KIF13A: variants seen among roughly 807,000 people sequenced by gnomAD.
The protein encoded by KIF13A is kinesin family member 13A.
KIF13A carries 79 observed loss-of-function variants against 212.2 expected under a neutral mutation model. That is an observed-to-expected ratio of 0.37 (90% confidence interval 0.31 to 0.45). The LOEUF is 0.45. Ranked by LOEUF, KIF13A falls within the 20% of genes least tolerant of loss-of-function variation. The pLI is 1.00. For missense variants in KIF13A, 1,901 were observed against 2,209.0 expected, an observed-to-expected ratio of 0.86 and a Z score of 2.79; for synonymous variants, 789 against 808.6, an observed-to-expected ratio of 0.98 and a Z score of 0.41.
intron 17 of KIF13A, among the ~76,000 whole-genome samples, chr6:17,812,785 A>C (rs1763545313): frequency 6.6e-6 from 1 of 152,036 alleles, no homozygotes; most frequent in Admixed American, 6.6e-5. Context: ...ATTAATTTAC[A>C]CTCTCACCAA....
At position 17,914,581 on chromosome 6, in the gene KIF13A, A is replaced by G. The variant is rs142805713; in HGVS notation, c.147-16401T>C. Among the ~76,000 whole-genome samples the G allele has an allele frequency of 6.6e-6, 1 of 152,294 alleles. No homozygotes were observed. Among genetic ancestry groups the G allele is most frequent in the South Asian group, 2.1e-4 (1 of 4,816 alleles). ...CACTATCCACCAATAACGGATCCTC[A>G]GCCCTTTTTTCAAATGTCCTTCTGA... On this transcript the variant is annotated intron_variant, in intron 2 of 38. Coordinates refer to ENST00000259711, the MANE Select transcript of KIF13A (RefSeq NM_022113.6). The surrounding 1 kb of genome is among the most constrained non-coding windows in gnomAD (Gnocchi z 5.9).
At chr6:17,965,861 G>A (rs1018182022) in intron 2 of KIF13A, among the ~76,000 whole-genome samples, 6 of 152,200 alleles carry the variant, frequency 3.9e-5, no homozygotes, top group African/African-American at 1.4e-4. Context: ...TCTCAAATAA[G>A]TAGGTGGTTG....
downstream of KIF13A, among the ~76,000 whole-genome samples, chr6:17,763,298 A>T (rs1323406566): frequency 6.6e-6 from 1 of 152,028 alleles, no homozygotes; most frequent in East Asian, 1.9e-4. Flanking sequence ...CAGCCTGGCC[A>T]ACATGGTGAA....
At chr6:17,874,999 G>GCGCGCGCACA (rs913365480) in intron 3 of KIF13A, among the ~76,000 whole-genome samples, 5 of 120,330 alleles carry the variant, frequency 4.2e-5, no homozygotes, top group African/African-American at 1.2e-4. Context: ...ACACGCACAC[G>GCGCGCGCACA]CACGCACACA....
chr6:17,933,590 TAAG>T (rs1776196124), intron 2 of KIF13A, among the ~76,000 whole-genome samples: 2 of 152,004 alleles, frequency 1.3e-5, no homozygotes, highest in South Asian at 4.1e-4. Context: ...AAATGGGACA[TAAG>T]AAGGAGTAGA....
chr6:17,889,250 T>A (rs952559272), intron 3 of KIF13A, among the ~76,000 whole-genome samples: 1 of 152,214 alleles, frequency 6.6e-6, no homozygotes, highest in Admixed American at 6.5e-5. Flanking sequence ...CTTCTTCAAA[T>A]GACTCAGTTT....
chr6:17,799,332 C>A lies in KIF13A; in HGVS notation c.2724G>T (p.Val908=), dbSNP rs775290709. The stretch of plus-strand genomic sequence containing the variant: ...ACTGTGGTGAAGGCACCTCGGGGTC[C>A]ACCACCGGGGCAGCCACCGTAGACT... The part of the protein sequence containing the change: ...QCESTVAAPV[V]DPEVPSPQSK... Residue 908 remains valine (V), a synonymous_variant, in exon 22 of 39, where the codon GTG becomes GTT. Transcript: ENST00000259711. This position sits in a 1 kb window ranked among gnomAD's most constrained non-coding sequence, Gnocchi z 4.4. 1.1e-5 allele frequency: 18 copies of A among 1,613,192 alleles called. No individual in the cohort carries two copies. In the East Asian group the frequency reaches 3.3e-4, roughly 30 times the overall value.
chr6:17,843,556 G>C lies in KIF13A; in HGVS notation c.830+5821C>G, dbSNP rs111550898. Among the ~76,000 whole-genome samples the C allele has an allele frequency of 1.2e-3, 183 of 152,250 alleles. 2 individuals are homozygous for C. The highest frequency in any genetic ancestry group is 4.2e-3 in the African/African-American group (175 of 41,546). On this transcript the variant is annotated intron_variant, in intron 9 of 38. Coordinates refer to ENST00000259711, the MANE Select transcript of KIF13A (RefSeq NM_022113.6). The surrounding 1 kb of genome is among the most constrained non-coding windows in gnomAD (Gnocchi z 5.3). ...CAGTTTGTACCACAGATATGGATAC[G>C]ATGTTTGGAATGATAGAGCTATCCT...
At chr6:17,940,253 C>T (rs1776844520) in intron 2 of KIF13A, among the ~76,000 whole-genome samples, 1 of 151,974 alleles carries the variant, frequency 6.6e-6, no homozygotes. Flanking sequence ...GCTTCTTAAA[C>T]TTCAATATGT....
chr6:17,772,073 G>C lies in KIF13A; in HGVS notation c.4325-14C>G. The C allele has an allele frequency of 1.2e-6, 2 of 1,613,340 alleles. No homozygotes were observed. The highest frequency in any genetic ancestry group is 2.2e-5 in the South Asian group (2 of 91,060). ...CTGATGTACAACCTAGGGAAGATGA[G>C]AAGTTATGAGGTTACAGATGCTGAA... On this transcript the variant is annotated splice_polypyrimidine_tract_variant and intron_variant, in intron 36 of 38. Coordinates refer to ENST00000259711, the MANE Select transcript of KIF13A (RefSeq NM_022113.6). The surrounding 1 kb of genome is among the most constrained non-coding windows in gnomAD (Gnocchi z 4.8).
chr6:17,787,687 T>C lies in KIF13A; in HGVS notation c.3361+89A>G, dbSNP rs1581921949. ...AACAACAACAACAAAAATAAGATACTACTGTCCAGTTAGGGGAAGAAAACG... is the reference window on the plus strand; with the variant it reads ...AACAACAACAACAAAAATAAGATACCACTGTCCAGTTAGGGGAAGAAAACG... On this transcript the variant is annotated intron_variant, in intron 27 of 38. Transcript: ENST00000259711. The surrounding 1 kb of genome is among the most constrained non-coding windows in gnomAD (Gnocchi z 4.6). 1.3e-6 allele frequency: 1 copy of C among 764,878 alleles called. No individual in the cohort carries two copies. Among genetic ancestry groups the C allele is most frequent in the Non-Finnish European group, 2.3e-6 (1 of 427,372 alleles). The allele number at this position is 764,878 out of a possible 1,614,324, so 47.4% of individuals were successfully genotyped here. A position where few individuals can be genotyped will look rare whatever the true frequency, so the allele number is the denominator to read the frequency against.
chr6:17,873,532 G>A (rs1770214449), intron 3 of KIF13A, 95 bp from the exon 4 acceptor site: 29 of 813,956 alleles, frequency 3.6e-5, no homozygotes, highest in Non-Finnish European at 5.2e-5. Flanking sequence ...TGAGAAGGAT[G>A]GCCACTACTG....
chr6:17,949,457 T>C (rs775146482), intron 2 of KIF13A, among the ~76,000 whole-genome samples: 2 of 151,690 alleles, frequency 1.3e-5, no homozygotes, highest in African/African-American at 2.4e-5. Context: ...CACTTTAATA[T>C]AAACAACTGT....
chr6:17,782,022 T>G (rs1424231194), intron 29 of KIF13A, among the ~76,000 whole-genome samples: 4 of 152,064 alleles, frequency 2.6e-5, no homozygotes, highest in Non-Finnish European at 1.5e-5. Flanking sequence ...CTGCAACCTC[T>G]GCCTCCCAAG....
intron 3 of KIF13A, chr6:17,881,443 TA>T (rs34985576): frequency 0.22 from 80,617 of 358,516 alleles, 1 homozygote; most frequent in South Asian, 0.32. Context: ...AATTTACAGT[TA>T]AAAAAAAAAA....
chr6:17,884,823 T>C (rs2150458036), intron 3 of KIF13A, among the ~76,000 whole-genome samples: 1 of 152,366 alleles, frequency 6.6e-6, no homozygotes, highest in East Asian at 1.9e-4. Context: ...CTATCTACTT[T>C]GAAAACTGAG....
rs568194445 is a variant in KIF13A at position 17,800,238 on chromosome 6, C to A, written c.2455-125G>T. 35 of 840,028 alleles carry A rather than the reference C, an allele frequency of 4.2e-5. No homozygotes were observed. The Admixed American group carries it at 4.9e-4, about 12-fold the overall frequency. 52.0% of individuals were successfully genotyped at this position (840,028 alleles called of 1,614,324 possible). Reference sequence around the variant, plus strand: ...TCTGCAGCTGCTGCTTGGTCGTCTTCGGCAACGGGAGCCCTGCTACTACCA... The same window carrying A: ...TCTGCAGCTGCTGCTTGGTCGTCTTAGGCAACGGGAGCCCTGCTACTACCA... On this transcript the variant is annotated intron_variant, in intron 20 of 38. Transcript: ENST00000259711.
intron 2 of KIF13A, among the ~76,000 whole-genome samples, chr6:17,935,370 CAGCTGGGTCCTCACTATGGTCCCT>C (rs1776367353): frequency 6.6e-6 from 1 of 152,086 alleles, no homozygotes; most frequent in African/African-American, 2.4e-5. Flanking sequence ...GCTCAGCAGG[CAGCTGGGTCCTCACTATGGTCCCT>C]ACCTGGCCCC....
At chr6:17,814,349 A>G (rs1195103274) in intron 17 of KIF13A, among the ~76,000 whole-genome samples, 4 of 149,934 alleles carry the variant, frequency 2.7e-5, no homozygotes, top group Non-Finnish European at 5.9e-5. Flanking sequence ...CCCGGGTTCA[A>G]GCAATTCTTC....
Sources: allele counts gnomAD v4.1 joint callset (sites outside exome capture counted in the v4.1 genomes callset), GRCh38; gene constraint gnomAD v4.1.1; non-coding constraint Gnocchi (gnomAD v3.1); transcripts MANE v1.5; gene names NCBI Gene and HGNC (gene_info 2026-07-23, HGNC 2026-07-21).